NOTCH4: variants seen among roughly 807,000 people sequenced by gnomAD.
NOTCH4 encodes the protein neurogenic locus notch homolog protein 4.
A neutral mutation model predicts 189.0 loss-of-function variants in NOTCH4; 138 were observed. The observed-to-expected ratio is 0.73, with a 90% CI of 0.64 to 0.84. The LOEUF is 0.84. Ranked by LOEUF, NOTCH4 falls within the 40% of genes least tolerant of loss-of-function variation. The probability of loss-of-function intolerance (pLI) is 0.00; values close to 1 mark genes in which losing one functional copy is unlikely to be tolerated. For synonymous variants in NOTCH4, 942 were observed against 1,032.8 expected (o/e 0.91, Z 1.69); for missense variants, 2,286 against 2,605.4 (o/e 0.88, Z 2.67).
chr6:32,204,261 A>G lies in NOTCH4; in HGVS notation c.2994T>C (p.Phe998=), dbSNP rs749981717. The G allele has an allele frequency of 1.2e-6, 2 of 1,613,050 alleles. No individual in the cohort carries two copies. The highest frequency in any genetic ancestry group is 2.2e-5 in the South Asian group (2 of 91,072). ...CGTCTCCCTCACAGCGTAGCCCCAC[A>G]AAGCCTGGAGGGCAGGCACAGTGGA... ...GGFHCACPPG[F]VGLRCEGDVD... The change falls in exon 19 of 30, where the codon TTT becomes TTC. Residue 998 remains phenylalanine, a synonymous_variant. Coordinates refer to ENST00000375023, the MANE Select transcript of NOTCH4 (RefSeq NM_004557.4).
rs1391813599 is a variant in NOTCH4 at position 32,221,248 on chromosome 6, G to C, written c.529C>G (p.Gln177Glu). 1 of 1,613,054 alleles carries C rather than the reference G, an allele frequency of 6.2e-7. No homozygotes were observed. The highest frequency in any genetic ancestry group is 8.5e-7 in the Non-Finnish European group (1 of 1,179,998). Residue 177 changes from glutamine to glutamate, a missense_variant, in exon 4 of 30, where the codon CAG (glutamine) becomes GAG (glutamate). Gln to Glu is a conservative substitution (Grantham distance 29, BLOSUM62 2). Coordinates refer to ENST00000375023, the MANE Select transcript of NOTCH4 (RefSeq NM_004557.4). The surrounding 1 kb of genome is among the most constrained non-coding windows in gnomAD (Gnocchi z 4.3). ...CCCGGTGGGCAGTGGCACTGGATCT[G>C]GGGGTATGTGGCCAGACACACCCCT... ...NGGVCLATYPQIQCHCPPGFE... is the reference protein window; with the variant it reads ...NGGVCLATYPEIQCHCPPGFE...
rs1788178848 is a variant in NOTCH4 at position 32,199,189 on chromosome 6, A to C, written c.4316-44T>G. 1 of 1,418,406 alleles carries C rather than the reference A, an allele frequency of 7.1e-7. No individual in the cohort carries two copies. Among genetic ancestry groups the C allele is most frequent in the Non-Finnish European group, 9.5e-7 (1 of 1,053,372 alleles). The allele number at this position is 1,418,406 out of a possible 1,614,324, so 87.9% of individuals were successfully genotyped here. On this transcript the variant is annotated intron_variant, in intron 23 of 29. Coordinates refer to ENST00000375023, the MANE Select transcript of NOTCH4 (RefSeq NM_004557.4). The surrounding 1 kb of genome is among the most constrained non-coding windows in gnomAD (Gnocchi z 4.9). Reference sequence around the variant, plus strand: ...TCACAAAGAGAGGCCACTCCTGGTGAGACTGATTACTATTGGGAGACCTTT... The same window carrying C: ...TCACAAAGAGAGGCCACTCCTGGTGCGACTGATTACTATTGGGAGACCTTT...
Position 32,198,757 on chromosome 6 carries a change from T to C in NOTCH4, c.4536-27A>G, listed in dbSNP as rs770312494. 1.4e-5 allele frequency: 22 copies of C among 1,587,112 alleles called. No homozygotes were observed. In the South Asian group the frequency reaches 2.4e-4, roughly 18 times the overall value. Reference sequence around the variant, plus strand: ...TGGAAAGGAATGGGTGGGTAGAGGTTACACGGAATTATGACCATCAGGGTC... The same window carrying C: ...TGGAAAGGAATGGGTGGGTAGAGGTCACACGGAATTATGACCATCAGGGTC... On this transcript the variant is annotated intron_variant, in intron 24 of 29. Coordinates refer to ENST00000375023, the MANE Select transcript of NOTCH4 (RefSeq NM_004557.4). The surrounding 1 kb of genome is among the most constrained non-coding windows in gnomAD (Gnocchi z 5.5).
intron 1 of NOTCH4, 124 bp downstream of exon 1, chr6:32,223,732 G>T: frequency 1.0e-6 from 1 of 978,138 alleles, no homozygotes; most frequent in Non-Finnish European, 1.5e-6. Flanking sequence ...CTCTATTTGG[G>T]CAGTGAGAAT....
Position 32,214,238 on chromosome 6 carries a change from TCA to T in NOTCH4, c.2037_2038del (p.Cys679Ter). On this transcript the variant is annotated stop_gained and frameshift_variant, in exon 13 of 30. Transcript: ENST00000375023. LOFTEE classifies it high-confidence loss of function. ...ACACTCTGGCCCCGTCCAACCCACG[TCA>T]CACACACATGAGGATCTGGTTGTAA... 1 of 1,613,300 alleles carries T rather than the reference TCA, an allele frequency of 6.2e-7. No individual in the cohort carries two copies. The highest frequency in any genetic ancestry group is 8.5e-7 in the Non-Finnish European group (1 of 1,179,736).
chr6:32,196,525 T>G, intron 28 of NOTCH4, 104 bp from the exon 29 acceptor site: 1 of 1,432,928 alleles, frequency 7.0e-7, no homozygotes, highest in Non-Finnish European at 9.4e-7. Context: ...TCGGGCCGGC[T>G]GGTCCCTCAA....
At position 32,222,533 on chromosome 6, in the gene NOTCH4, G is replaced by C. The variant is rs1243077591; in HGVS notation, c.429C>G (p.Cys143Trp). 6.5e-7 allele frequency: 1 copy of C among 1,549,446 alleles called. No homozygotes were observed. Among genetic ancestry groups the C allele is most frequent in the Non-Finnish European group, 8.7e-7 (1 of 1,153,196 alleles). Residue 143 changes from cysteine (C) to tryptophan (W), a missense_variant, in exon 3 of 30, where the codon TGC becomes TGG. This residue lies in a region of NOTCH4 where 1,903 missense variants were observed against 2,261.9 expected (regional missense o/e 0.84). Coordinates refer to ENST00000375023, the MANE Select transcript of NOTCH4 (RefSeq NM_004557.4). ...TACCTGTCCATCCAGGCATGCAGGA[G>C]CACTGTGGGCGGCCCGAGGCCTGGA... ...CHIQASGRPQ[C>W]SCMPGWTGEQ...
Position 32,215,370 on chromosome 6 carries a change from A to C in NOTCH4, c.1877T>G (p.Val626Gly). ...GCACAGGTTGGGAGCACACAGGGGA[A>C]CCTCACAGAGCTGGCCTGGGGTGGG... is the stretch of plus-strand genomic sequence containing the variant. ...PSGFTGQLCE[V>G]PLCAPNLCQP... The change falls in exon 12 of 30, where the codon GTT (valine) becomes GGT (glycine). Residue 626 changes from valine to glycine, a missense_variant. Around this residue, in one of 2 missense-constraint regions of NOTCH4, gnomAD observed 1,903 missense variants for 2,261.9 expected, o/e 0.84. Coordinates refer to ENST00000375023, the MANE Select transcript of NOTCH4 (RefSeq NM_004557.4). The C allele has an allele frequency of 6.2e-7, 1 of 1,610,156 alleles. No individual in the cohort carries two copies. Among genetic ancestry groups the C allele is most frequent in the Non-Finnish European group, 8.5e-7 (1 of 1,179,070 alleles).
rs1323820618 is a variant in NOTCH4, at chr6:32,199,108, G to A, written c.4353C>T (p.Cys1451=). Reference sequence around the variant, plus strand: ...GGAGAATCACCCCGGCCACTGGGGAGCACAGCACAGGCCAGGGAAGCTGGT... The same window carrying A: ...GGAGAATCACCCCGGCCACTGGGGAACACAGCACAGGCCAGGGAAGCTGGT... ...PANQLPWPVL[C]SPVAGVILLA... Residue 1451 remains cysteine (C), a synonymous_variant, in exon 24 of 30, where the codon TGC becomes TGT. Coordinates refer to ENST00000375023, the MANE Select transcript of NOTCH4 (RefSeq NM_004557.4). The surrounding 1 kb of genome is among the most constrained non-coding windows in gnomAD (Gnocchi z 4.9). 1 of 1,610,768 alleles carries A rather than the reference G, an allele frequency of 6.2e-7. No individual in the cohort carries two copies. The highest frequency in any genetic ancestry group is 8.5e-7 in the Non-Finnish European group (1 of 1,179,172).
chr6:32,215,502 T>G, intron 11 of NOTCH4, 117 bp from the exon 12 acceptor site: 1 of 943,156 alleles, frequency 1.1e-6, no homozygotes, highest in Non-Finnish European at 1.6e-6. Flanking sequence ...TCACTCCCTA[T>G]GAACCCATGA....
chr6:32,211,979 C>T (rs1224401335), intron 17 of NOTCH4, among the ~76,000 whole-genome samples: 1 of 152,196 alleles, frequency 6.6e-6, no homozygotes, highest in Admixed American at 6.5e-5. Flanking sequence ...CTTTAATGTT[C>T]TCTCCCTGTG....
At chr6:32,214,500 C>G (rs1463626528) in intron 12 of NOTCH4, among the ~76,000 whole-genome samples, 1 of 127,336 alleles carries the variant, frequency 7.9e-6, no homozygotes, top group Non-Finnish European at 1.7e-5. Context: ...CATATATATT[C>G]TTTCTGTAAC....
rs1446783134 is a variant in NOTCH4, at chr6:32,198,047, T to A, written c.4756+374A>T. 6.6e-6 allele frequency among the ~76,000 whole-genome samples: 1 copy of A among 151,802 alleles called. No individual in the cohort carries two copies. The highest frequency in any genetic ancestry group is 2.4e-5 in the African/African-American group (1 of 41,316). On this transcript the variant is annotated intron_variant, in intron 26 of 29. Transcript: ENST00000375023. This position sits in a 1 kb window ranked among gnomAD's most constrained non-coding sequence, Gnocchi z 5.5. ...TGTGTTAGCCAGGATGGTCTCGATC[T>A]CCTGACCTTGTGATCCACCCGCCTT...
intron 3 of NOTCH4, among the ~76,000 whole-genome samples, chr6:32,222,270 C>T (rs554360074): frequency 6.6e-6 from 1 of 152,366 alleles, no homozygotes; most frequent in East Asian, 1.9e-4. Context: ...CAGGATGGTG[C>T]ACAAAGGGGG....
At chr6:32,222,468 T>C in intron 3 of NOTCH4, 43 bp downstream of exon 3, 2 of 1,476,088 alleles carry the variant, frequency 1.4e-6, no homozygotes, top group East Asian at 2.5e-5. Context: ...CCTAGCCCAT[T>C]GCTCCTGCCT....
In NOTCH4 at chr6:32,195,840, G is replaced by C; in HGVS notation, c.5609C>G (p.Pro1870Arg). ...CTGCAGACAAGCTCCGCCCCCACGA[G>C]GGCCTGCTCCGGCTGACAGCGTCCG... is the stretch of plus-strand genomic sequence containing the variant. Reference protein sequence around the residue: ...RCRTLSAGAGPRGGGACLQAR... With the variant: ...RCRTLSAGAGRRGGGACLQAR... Residue 1870 changes from proline (P) to arginine (R), a missense_variant, in exon 30 of 30, where the codon CCT (proline) becomes CGT (arginine). By Grantham distance (103) the Pro-to-Arg change is moderately radical. Transcript: ENST00000375023. The surrounding 1 kb of genome is among the most constrained non-coding windows in gnomAD (Gnocchi z 5.4). 6.3e-7 allele frequency: 1 copy of C among 1,597,972 alleles called. No individual in the cohort carries two copies. The highest frequency in any genetic ancestry group is 8.5e-7 in the Non-Finnish European group (1 of 1,178,536).
chr6:32,197,938 T>C lies in NOTCH4; in HGVS notation c.4757-344A>G, dbSNP rs564344591. On this transcript the variant is annotated intron_variant, in intron 26 of 29. Coordinates refer to ENST00000375023, the MANE Select transcript of NOTCH4 (RefSeq NM_004557.4). The stretch of plus-strand genomic sequence containing the variant: ...CCAGGTTCACGCCATTCTCCTGCCT[T>C]AGCCTCCAGAGCAGCTGGGACTACA... Among the ~76,000 whole-genome samples the C allele has an allele frequency of 8.5e-5, 13 of 152,090 alleles. 1 individual carries two copies. The South Asian group carries it at 2.5e-3, about 29-fold the overall frequency.
rs917534864 is a variant in NOTCH4, at chr6:32,199,035, G to A, written c.4426C>T (p.Arg1476Ter). 6 of 1,612,732 alleles carry A rather than the reference G, an allele frequency of 3.7e-6. No individual in the cohort carries two copies. The African/African-American group carries it at 4.0e-5, about 11-fold the overall frequency. The change falls in exon 24 of 30, where the codon CGA becomes TGA. Residue 1476 changes from arginine (R) to a stop codon, truncating the protein, a stop_gained. Transcript: ENST00000375023. LOFTEE classifies it high-confidence loss of function. The surrounding 1 kb of genome is among the most constrained non-coding windows in gnomAD (Gnocchi z 4.9). ...LVLQLIRRRRREHGALWLPPG... is the reference protein window; with the variant it reads ...LVLQLIRRRR ...GGCAGCCAGAGAGCTCCATGCTCTC[G>A]GCGTCGACGCCGGATGAGCTGGAGG...
intron 7 of NOTCH4, 81 bp from the exon 8 acceptor site, chr6:32,219,867 G>A (rs1243388761): frequency 3.3e-6 from 4 of 1,218,448 alleles, no homozygotes; most frequent in South Asian, 1.4e-5. Flanking sequence ...GAAGGTGTGG[G>A]GGCCTGCGTG....
Sources: allele counts gnomAD v4.1 joint callset (sites outside exome capture counted in the v4.1 genomes callset), GRCh38; gene constraint gnomAD v4.1.1; regional missense constraint gnomAD v4.1.1; non-coding constraint Gnocchi (gnomAD v3.1); transcripts MANE v1.5; gene names NCBI Gene and HGNC (gene_info 2026-07-23, HGNC 2026-07-21).